Variants in NEK10 observed in about 807,000 individuals in gnomAD.
NEK10 encodes the protein NIMA related kinase 10.
NEK10 carries 122 observed loss-of-function variants against 159.8 expected under a neutral mutation model. That is an observed-to-expected ratio of 0.76 (90% CI 0.66 to 0.89). The LOEUF (loss-of-function observed/expected upper bound fraction) is 0.89. Among genes scored for constraint, NEK10 ranks in the 40% least tolerant of loss-of-function variants. The pLI is 0.00. For missense variants in NEK10, 1,342 were observed against 1,323.1 expected, an observed-to-expected ratio of 1.01 and a Z score of -0.22; for synonymous variants, 466 against 457.1, an observed-to-expected ratio of 1.02 and a Z score of -0.25.
At chr3:27,344,634 T>C (rs2047427272) in intron 4 of NEK10, among the ~76,000 whole-genome samples, 1 of 152,240 alleles carries the variant, frequency 6.6e-6, no homozygotes, top group South Asian at 2.1e-4. Flanking sequence ...CCTTTTATCA[T>C]ATTCATTAAA....
chr3:27,278,906 T>C, intron 22 of NEK10: 2 of 984,880 alleles, frequency 2.0e-6, no homozygotes, highest in Non-Finnish European at 1.2e-6. Flanking sequence ...TCTCACCCCA[T>C]GTACCACTGA....
intron 22 of NEK10, among the ~76,000 whole-genome samples, chr3:27,262,180 A>C (rs1013887939): frequency 6.6e-5 from 10 of 152,110 alleles, no homozygotes; most frequent in African/African-American, 2.4e-4. Flanking sequence ...TCTGGCTTGT[A>C]GAGTTTCTGC....
intron 32 of NEK10, among the ~76,000 whole-genome samples, chr3:27,123,051 A>G (rs751284908): frequency 1.4e-4 from 22 of 152,192 alleles, no homozygotes; most frequent in Non-Finnish European, 3.1e-4. Flanking sequence ...TACTTTTTGC[A>G]GTTCAGTTTC....
At chr3:27,254,918 T>TACACACAC (rs3035705) in intron 23 of NEK10, among the ~76,000 whole-genome samples, 2,226 of 141,860 alleles carry the variant, frequency 0.016, 57 homozygotes, top group African/African-American at 0.051. Context: ...CTCTTTCTCT[T>TACACACAC]ACACACACAC....
intron 25 of NEK10, among the ~76,000 whole-genome samples, chr3:27,197,276 G>C (rs529950779): frequency 9.9e-4 from 151 of 152,064 alleles, no homozygotes; most frequent in African/African-American, 3.5e-3. Flanking sequence ...CCCAGATTCA[G>C]GTGATTCTCC....
chr3:27,180,704 T>C (rs1479198779), intron 26 of NEK10, among the ~76,000 whole-genome samples: 1 of 152,188 alleles, frequency 6.6e-6, no homozygotes, highest in Non-Finnish European at 1.5e-5. Context: ...TTGCACATGT[T>C]GTCAAAATTC....
intron 23 of NEK10, among the ~76,000 whole-genome samples, chr3:27,236,524 T>C (rs928101255): frequency 2.0e-5 from 3 of 152,238 alleles, no homozygotes; most frequent in African/African-American, 7.2e-5. Context: ...TTTCCCTAAG[T>C]GTCGGCCAGT....
chr3:27,206,591 C>T, intron 23 of NEK10: 1 of 985,006 alleles, frequency 1.0e-6, no homozygotes, highest in Non-Finnish European at 1.2e-6. Context: ...TGGATAATTT[C>T]ATTCACATCC....
chr3:27,163,912 CTAAGT>C (rs1354823572), intron 29 of NEK10, among the ~76,000 whole-genome samples: 1 of 152,152 alleles, frequency 6.6e-6, no homozygotes, highest in Non-Finnish European at 1.5e-5. Context: ...CAACACCTAC[CTAAGT>C]TATTAAGCGT....
chr3:27,182,605 C>T (rs928753043), intron 26 of NEK10, among the ~76,000 whole-genome samples: 7 of 151,870 alleles, frequency 4.6e-5, no homozygotes, highest in African/African-American at 1.7e-4. Flanking sequence ...TATTTATACA[C>T]AAGAAAAGAA....
rs567216337 is a variant in NEK10, at chr3:27,168,195, G to C, written c.2831+3624C>G. Among the ~76,000 whole-genome samples the C allele has an allele frequency of 2.0e-5, 3 of 151,924 alleles. No homozygotes were observed. In the South Asian group the frequency reaches 6.2e-4, roughly 32 times the overall value. On this transcript the variant is annotated intron_variant, in intron 29 of 35. Coordinates refer to ENST00000691995, the MANE Select transcript of NEK10 (RefSeq NM_001394966.1). ...AAAGAGTCAGTAAGGGTCCCCAAGT[G>C]GGAGAGCTGCCTAGGGTCTCCTTGA...
intron 9 of NEK10, 48 bp from the exon 10 acceptor site, chr3:27,309,053 T>A (rs1211901262): frequency 1.0e-6 from 1 of 954,546 alleles, no homozygotes; most frequent in African/African-American, 1.6e-5. Context: ...TACTACAAGC[T>A]TCTTTTTTCA....
intron 1 of NEK10, among the ~76,000 whole-genome samples, chr3:27,366,596 C>T (rs185843059): frequency 2.6e-5 from 4 of 152,234 alleles, no homozygotes; most frequent in Admixed American, 2.6e-4. Context: ...GGGCATGGAG[C>T]CCCAAACCCA....
At chr3:27,316,887 CTA>C (rs1575718103) in intron 6 of NEK10, among the ~76,000 whole-genome samples, 2 of 152,158 alleles carry the variant, frequency 1.3e-5, no homozygotes, top group African/African-American at 4.8e-5. Context: ...AACAAATTCT[CTA>C]TCTCAGGACT....
chr3:27,269,801 A>G (rs2041191254), intron 22 of NEK10, among the ~76,000 whole-genome samples: 1 of 152,210 alleles, frequency 6.6e-6, no homozygotes, highest in Non-Finnish European at 1.5e-5. Context: ...TCTTAGTACT[A>G]GTTAAAAATC....
chr3:27,302,300 G>A (rs774164159), intron 12 of NEK10, among the ~76,000 whole-genome samples: 71 of 151,996 alleles, frequency 4.7e-4, no homozygotes, highest in Middle Eastern at 6.8e-3. Flanking sequence ...TCTATTGGGC[G>A]TATCTTTCAT....
chr3:27,257,788 CTTTT>C (rs79727702), intron 22 of NEK10, among the ~76,000 whole-genome samples: 4 of 130,506 alleles, frequency 3.1e-5, no homozygotes. Context: ...TTTCTTTTTT[CTTTT>C]TTTTTTTTTT....
chr3:27,153,050 G>A (rs186821298), intron 30 of NEK10, among the ~76,000 whole-genome samples: 6 of 152,160 alleles, frequency 3.9e-5, no homozygotes, highest in East Asian at 1.9e-4. Context: ...GGCCAGGCGC[G>A]GTGGCTCATG....
At chr3:27,367,110 C>T (rs1377205826) in intron 1 of NEK10, among the ~76,000 whole-genome samples, 2 of 152,110 alleles carry the variant, frequency 1.3e-5, no homozygotes, top group Non-Finnish European at 2.9e-5. Flanking sequence ...ATGCCCAGCC[C>T]AGTGTGTTCA....
Sources: allele counts gnomAD v4.1 joint callset (sites outside exome capture counted in the v4.1 genomes callset), GRCh38; gene constraint gnomAD v4.1.1; transcripts MANE v1.5; gene names NCBI Gene and HGNC (gene_info 2026-07-23, HGNC 2026-07-21).